Variants in KNTC1 observed in about 807,000 individuals in gnomAD.
KNTC1 encodes kinetochore associated 1.
In KNTC1, 253 loss-of-function variants were observed where a neutral mutation model predicts 314.4. The observed-to-expected ratio is 0.80, with a 90% CI of 0.73 to 0.89. The LOEUF is 0.89. Ranked by LOEUF, KNTC1 falls within the 40% of genes least tolerant of loss-of-function variation. KNTC1 has a pLI of 0.00. For missense variants in KNTC1, 2,475 were observed against 2,572.9 expected (o/e 0.96, Z 0.82); for synonymous variants, 901 against 901.4 (o/e 1.00, Z 0.01).
intron 12 of KNTC1, 32 bp from the exon 13 acceptor site, chr12:122,549,734 T>G (rs761304265): frequency 9.4e-7 from 1 of 1,064,774 alleles, no homozygotes; most frequent in South Asian, 1.3e-5. Context: ...TAAATTGATC[T>G]GCTAAATTAA....
intron 31 of KNTC1, among the ~76,000 whole-genome samples, chr12:122,578,904 A>G (rs1965205710): frequency 6.6e-6 from 1 of 151,988 alleles, no homozygotes; most frequent in Non-Finnish European, 1.5e-5. Flanking sequence ...AGTAGTTCCT[A>G]TTGTTGTCTC....
intron 27 of KNTC1, 52 bp from the exon 28 acceptor site, chr12:122,575,491 A>G: frequency 8.2e-7 from 1 of 1,216,622 alleles, no homozygotes; most frequent in Non-Finnish European, 1.2e-6. Flanking sequence ...GTTCACTTGC[A>G]TGCATCGTAA....
intron 62 of KNTC1, among the ~76,000 whole-genome samples, chr12:122,622,836 T>C (rs1874586495): frequency 6.6e-6 from 1 of 151,780 alleles, no homozygotes; most frequent in African/African-American, 2.4e-5. Flanking sequence ...TAATCCCAGC[T>C]ACTAGGGAGG....
In KNTC1 at chr12:122,582,797, T is replaced by C; in HGVS notation, c.3075T>C (p.Val1025=). ...LREQHIKAHE[V]AQAKHKPGST... ...AGCAGCACATTAAAGCTCACGAAGT[T>C]GCACAGGCGAAACACAAACCTGGGA... is the stretch of plus-strand genomic sequence containing the variant. The change falls in exon 34 of 64, where the codon GTT becomes GTC. Residue 1025 remains valine (V), a synonymous_variant. Coordinates refer to ENST00000333479, the MANE Select transcript of KNTC1 (RefSeq NM_014708.6). The C allele has an allele frequency of 6.2e-7, 1 of 1,612,834 alleles. No homozygotes were observed. Among genetic ancestry groups the C allele is most frequent in the Non-Finnish European group, 8.5e-7 (1 of 1,179,450 alleles).
chr12:122,617,820 G>A (rs1194125881), intron 57 of KNTC1, among the ~76,000 whole-genome samples: 1 of 152,170 alleles, frequency 6.6e-6, no homozygotes, highest in African/African-American at 2.4e-5. Flanking sequence ...TTTAACAGCG[G>A]CCTCTAGAGA....
chr12:122,609,242 T>C, intron 51 of KNTC1, 142 bp from the exon 52 acceptor site: 3 of 657,378 alleles, frequency 4.6e-6, no homozygotes, highest in Non-Finnish European at 8.0e-6. Flanking sequence ...CAAAAATCTT[T>C]TCATAATTTA....
At chr12:122,623,673 G>A (rs1593702001) in intron 62 of KNTC1, among the ~76,000 whole-genome samples, 1 of 152,282 alleles carries the variant, frequency 6.6e-6, no homozygotes, top group East Asian at 1.9e-4. Flanking sequence ...TGCCCTCTGT[G>A]AAGTTGATTA....
chr12:122,605,277 T>A (rs779272318), intron 50 of KNTC1, 29 bp from the exon 51 acceptor site: 4 of 1,437,858 alleles, frequency 2.8e-6, no homozygotes, highest in Non-Finnish European at 3.8e-6. Flanking sequence ...AAACTTGAGT[T>A]TTTCTTTTCT....
intron 20 of KNTC1, among the ~76,000 whole-genome samples, chr12:122,566,510 A>G (rs962193256): frequency 4.7e-5 from 7 of 148,746 alleles, no homozygotes; most frequent in Non-Finnish European, 3.0e-5. Flanking sequence ...CCTATATTCA[A>G]GTGATTCTCC....
At chr12:122,530,854 G>T (rs1961256503) in intron 2 of KNTC1, among the ~76,000 whole-genome samples, 1 of 152,140 alleles carries the variant, frequency 6.6e-6, no homozygotes, top group South Asian at 2.1e-4. Context: ...TTTCCTACCA[G>T]AGTCAAGCAC....
rs76262012 is a variant in KNTC1 at position 122,580,171 on chromosome 12, A to G, written c.2914+194A>G. Among the ~76,000 whole-genome samples, 1,308 of 152,294 alleles carry G rather than the reference A, an allele frequency of 8.6e-3. 16 individuals are homozygous for G. Among genetic ancestry groups the G allele is most frequent in the African/African-American group, 0.03 (1,265 of 41,566 alleles). ...AGCAATTCAAGAACAGATGCATGCA[A>G]AATCAACCTATCATTTGTTTATATG... On this transcript the variant is annotated intron_variant, in intron 32 of 63. Transcript: ENST00000333479.
At chr12:122,623,373 C>T (rs183101242) in intron 62 of KNTC1, among the ~76,000 whole-genome samples, 2 of 152,250 alleles carry the variant, frequency 1.3e-5, no homozygotes, top group Admixed American at 6.5e-5. Flanking sequence ...AGTTCAAGAC[C>T]GCAGTACACA....
chr12:122,619,091 T>C (rs1874113935), intron 59 of KNTC1, among the ~76,000 whole-genome samples: 1 of 151,270 alleles, frequency 6.6e-6, no homozygotes, highest in Admixed American at 6.6e-5. Context: ...GGAGTCTTGC[T>C]CTGTCACCCA....
Position 122,624,600 on chromosome 12 carries a change from T to C in KNTC1, c.6518T>C (p.Leu2173Ser), listed in dbSNP as rs770812752. The part of the protein sequence containing the change: ...LVNYLANDLS[L>S]DEASVLITEY... ...TCTTTTTCTTTTTGATTTTGTAGTT[T>C]AGATGAAGCTTCAGTCTTGATAACT... is the stretch of plus-strand genomic sequence containing the variant. Residue 2173 changes from leucine to serine, a missense_variant and splice_region_variant, in exon 63 of 64, where the codon TTA becomes TCA. Physicochemically the swap from Leu to Ser is moderately radical, Grantham distance 145 (BLOSUM62 -2). Coordinates refer to ENST00000333479, the MANE Select transcript of KNTC1 (RefSeq NM_014708.6). 5.6e-6 allele frequency: 9 copies of C among 1,610,734 alleles called. No homozygotes were observed. The Admixed American group carries it at 1.3e-4, about 24-fold the overall frequency.
intron 16 of KNTC1, among the ~76,000 whole-genome samples, chr12:122,556,683 G>A (rs1963621352): frequency 6.6e-6 from 1 of 151,354 alleles, no homozygotes; most frequent in South Asian, 2.1e-4. Flanking sequence ...GGCTGGTATC[G>A]AACTCCTGAC....
intron 43 of KNTC1, among the ~76,000 whole-genome samples, chr12:122,596,077 T>G (rs1388951554): frequency 7.2e-6 from 1 of 139,592 alleles, no homozygotes; most frequent in Non-Finnish European, 1.6e-5. Flanking sequence ...AGTAACCAGA[T>G]TCTTTTTTTT....
intron 5 of KNTC1, among the ~76,000 whole-genome samples, chr12:122,540,755 C>T (rs1381169008): frequency 1.3e-5 from 2 of 151,880 alleles, no homozygotes; most frequent in East Asian, 1.9e-4. Flanking sequence ...TTTTCTGGCA[C>T]ATGAAGTTTG....
chr12:122,574,422 A>G, intron 27 of KNTC1, 42 bp downstream of exon 27: 1 of 1,206,370 alleles, frequency 8.3e-7, no homozygotes, highest in Non-Finnish European at 1.2e-6. Flanking sequence ...TTTGAGCATT[A>G]AATCTTTTCT....
intron 51 of KNTC1, among the ~76,000 whole-genome samples, chr12:122,606,978 A>G (rs1054983447): frequency 3.9e-5 from 6 of 152,170 alleles, no homozygotes; most frequent in Admixed American, 3.9e-4. Context: ...AATTGTCCTA[A>G]TAACGTTTTT....
Sources: allele counts gnomAD v4.1 joint callset (sites outside exome capture counted in the v4.1 genomes callset), GRCh38; gene constraint gnomAD v4.1.1; transcripts MANE v1.5; gene names NCBI Gene and HGNC (gene_info 2026-07-23, HGNC 2026-07-21).